VWDE: variants seen among roughly 807,000 people sequenced by gnomAD.
VWDE encodes the protein von Willebrand factor D and EGF domains, also known as von Willebrand factor D and EGF domain-containing protein.
Under a neutral mutation model 178.4 loss-of-function variants are expected in VWDE, and 207 were observed. That is an observed-to-expected ratio of 1.16 (90% CI 1.04 to 1.30). VWDE has a LOEUF of 1.30. VWDE is among the 50% of genes most tolerant of loss of function. The pLI is 0.00. For synonymous variants in VWDE, 738 were observed against 651.4 expected (o/e 1.13, Z -2.02); for missense variants, 2,287 against 1,901.3 (o/e 1.20, Z -3.77).
intron 13 of VWDE, 124 bp from the exon 14 acceptor site, chr7:12,361,645 G>A (rs1782587607): frequency 1.3e-5 from 11 of 844,604 alleles, no homozygotes; most frequent in South Asian, 9.4e-5. Flanking sequence ...TATATAACAG[G>A]GAAACAAAAG....
At chr7:12,388,560 T>G (rs1452225945) in intron 3 of VWDE, among the ~76,000 whole-genome samples, 1 of 152,306 alleles carries the variant, frequency 6.6e-6, no homozygotes, top group African/African-American at 2.4e-5. Flanking sequence ...TACTCATACA[T>G]TTATAAAGTA....
chr7:12,350,002 A>G (rs1781841191), intron 19 of VWDE, among the ~76,000 whole-genome samples: 1 of 152,118 alleles, frequency 6.6e-6, no homozygotes. Context: ...AAAACAATCT[A>G]AAATTACTCC....
chr7:12,378,579 TA>T (rs1783668935), intron 6 of VWDE, among the ~76,000 whole-genome samples: 2 of 152,150 alleles, frequency 1.3e-5, no homozygotes, highest in African/African-American at 2.4e-5. Context: ...CCTGTTAGCC[TA>T]ATCAGAAAGG....
chr7:12,389,489 C>T (rs1583347601), intron 2 of VWDE, 131 bp from the exon 3 acceptor site: 6 of 637,990 alleles, frequency 9.4e-6, no homozygotes, highest in Non-Finnish European at 1.6e-5. Flanking sequence ...TGGCTTGTAC[C>T]TGTTCTATAC....
intron 4 of VWDE, among the ~76,000 whole-genome samples, chr7:12,380,986 A>G (rs1783825165): frequency 6.6e-6 from 1 of 152,330 alleles, no homozygotes; most frequent in African/African-American, 2.4e-5. Flanking sequence ...CTGCCTTTGA[A>G]AAGTCTAGCT....
At chr7:12,331,706 T>G (rs73679976) in intron 28 of VWDE, among the ~76,000 whole-genome samples, 2,577 of 152,188 alleles carry the variant, frequency 0.017, 72 homozygotes, top group African/African-American at 0.06. Context: ...GGTGCTACTA[T>G]TAATGCCATA....
chr7:12,400,786 T>C (rs1380193764), intron 1 of VWDE, among the ~76,000 whole-genome samples: 1 of 152,008 alleles, frequency 6.6e-6, no homozygotes, highest in Non-Finnish European at 1.5e-5. Flanking sequence ...TATAAACCAA[T>C]ACATCTCTGG....
At chr7:12,373,942 T>G (rs1051454050) in intron 9 of VWDE, among the ~76,000 whole-genome samples, 28 of 152,186 alleles carry the variant, frequency 1.8e-4, no homozygotes, top group Admixed American at 1.8e-3. Context: ...TTGACACCAT[T>G]GGAGTATAAC....
At chr7:12,341,786 TCAC>T (rs1215817403) in intron 23 of VWDE, among the ~76,000 whole-genome samples, 2 of 152,170 alleles carry the variant, frequency 1.3e-5, no homozygotes, top group Non-Finnish European at 2.9e-5. Flanking sequence ...ACGTTTCTCT[TCAC>T]CACAAGGTAG....
At chr7:12,338,813 C>T (rs113993235) in intron 24 of VWDE, among the ~76,000 whole-genome samples, 8 of 152,242 alleles carry the variant, frequency 5.3e-5, no homozygotes, top group African/African-American at 1.9e-4. Flanking sequence ...GCCATACATC[C>T]TAAGCCTTGC....
At chr7:12,348,606 G>A (rs1384807761) in intron 19 of VWDE, among the ~76,000 whole-genome samples, 1 of 148,392 alleles carries the variant, frequency 6.7e-6, no homozygotes, top group Non-Finnish European at 1.5e-5. Flanking sequence ...GGAGAAATAG[G>A]AACACTTTTA....
At chr7:12,402,572 CA>C (rs1784953801) in intron 1 of VWDE, among the ~76,000 whole-genome samples, 1 of 152,038 alleles carries the variant, frequency 6.6e-6, no homozygotes. Context: ...CCTTTATAAA[CA>C]TTGGTCATTT....
Position 12,333,569 on chromosome 7 carries a change from C to A in VWDE, c.4655-1G>T, listed in dbSNP as rs1023176057. 1.9e-6 allele frequency: 3 copies of A among 1,545,348 alleles called. No homozygotes were observed. In the Admixed American group the frequency reaches 5.9e-5, roughly 30 times the overall value. On this transcript the variant is annotated splice_acceptor_variant, in intron 27 of 28. Transcript: ENST00000275358. LOFTEE classifies it high-confidence loss of function. ...TAAAGACATTTTGGGTTGCAAATTG[C>A]TGCAATACACAAATTTTTACAATGA...
Position 12,333,560 on chromosome 7 carries a change from T to C in VWDE, c.4663A>G (p.Asn1555Asp), listed in dbSNP as rs758427149. ...EGVRCQIPIC[N>D]PKCLYGGRCI... ...CTGCCTCCATAAAGACATTTTGGGT[T>C]GCAAATTGCTGCAATACACAAATTT... Residue 1555 changes from asparagine to aspartate, a missense_variant, in exon 28 of 29, where the codon AAC becomes GAC. Asn to Asp is a conservative substitution (Grantham distance 23). Coordinates refer to ENST00000275358, the MANE Select transcript of VWDE (RefSeq NM_001135924.3). The C allele has an allele frequency of 2.8e-5, 43 of 1,549,134 alleles. No individual in the cohort carries two copies. The Middle Eastern group carries it at 8.3e-4, about 30-fold the overall frequency.
At chr7:12,364,548 C>T (rs563732902) in intron 13 of VWDE, among the ~76,000 whole-genome samples, 17 of 152,154 alleles carry the variant, frequency 1.1e-4, no homozygotes, top group Admixed American at 3.9e-4. Context: ...AGAATGATAG[C>T]ATTGAGTTAT....
Position 12,370,148 on chromosome 7 carries a change from CTT to C in VWDE, c.2156_2157del (p.Lys719ArgfsTer10), listed in dbSNP as rs1783098986. On this transcript the variant is annotated frameshift_variant, in exon 12 of 29. Transcript: ENST00000275358. LOFTEE classifies it high-confidence loss of function. Reference sequence around the variant, plus strand: ...TTGGCCAAATATTGTAGTGAATCTTCTTTCTCATTTCCAGGATGTTTTTGTAC... The same window carrying C: ...TTGGCCAAATATTGTAGTGAATCTTCTCTCATTTCCAGGATGTTTTTGTAC... ...LNVQKHPGNE[K>X]EDSLQYLANK... The C allele has an allele frequency of 1.9e-6, 3 of 1,551,354 alleles. No homozygotes were observed.
chr7:12,334,337 C>T (rs1440783285), intron 27 of VWDE, among the ~76,000 whole-genome samples: 1 of 151,856 alleles, frequency 6.6e-6, no homozygotes, highest in Non-Finnish European at 1.5e-5. Context: ...ATGAGCGTAC[C>T]ACAAAATTAT....
chr7:12,371,357 T>G (rs894257505), intron 10 of VWDE, among the ~76,000 whole-genome samples: 1 of 152,098 alleles, frequency 6.6e-6, no homozygotes, highest in Non-Finnish European at 1.5e-5. Flanking sequence ...AGAAGGTAGC[T>G]TGGGGAGTTG....
At chr7:12,380,853 A>G in intron 4 of VWDE, 120 bp from the exon 5 acceptor site, 1 of 1,183,456 alleles carries the variant, frequency 8.4e-7, no homozygotes. Flanking sequence ...AGCTAAATTT[A>G]GAAAAATGAT....
Sources: gnomAD v4.1 joint callset for allele counts (sites outside exome capture counted in the v4.1 genomes callset) on GRCh38, gnomAD v4.1.1 for gene constraint, MANE v1.5 for transcripts, NCBI Gene and HGNC (gene_info 2026-07-23, HGNC 2026-07-21) for gene names.